The following NUCKS1 variants were observed in gnomAD, a reference collection of about 807,000 sequenced individuals.
NUCKS1 encodes nuclear ubiquitous casein and cyclin-dependent kinase substrate 1.
A neutral mutation model predicts 33.0 loss-of-function variants in NUCKS1; 2 were observed. The ratio of observed to expected loss-of-function variants is 0.06; its 90% CI spans 0.02 to 0.19. NUCKS1 has a LOEUF of 0.19. NUCKS1 is among the 10% of genes least tolerant of loss of function. NUCKS1 has a pLI of 1.00. For missense variants in NUCKS1, 201 were observed against 293.6 expected (o/e 0.68, Z 2.31); for synonymous variants, 106 against 102.8 (o/e 1.03, Z -0.19).
intron 4 of NUCKS1, among the ~76,000 whole-genome samples, chr1:205,722,073 AAAAAAAATTTT>A (rs2102431635): frequency 6.6e-6 from 1 of 151,890 alleles, no homozygotes; most frequent in South Asian, 2.1e-4. Context: ...CTATTAATGA[AAAAAAAATTTT>A]TTTTTTTTTA....
At chr1:205,744,628 G>T (rs777087207) in intron 1 of NUCKS1, among the ~76,000 whole-genome samples, 1,764 of 22,960 alleles carry the variant, frequency 0.077, 26 homozygotes, top group South Asian at 0.2. Context: ...AAGTTCACTA[G>T]AGTTTTTTTT....
intron 1 of NUCKS1, among the ~76,000 whole-genome samples, chr1:205,730,958 G>T (rs1653896650): frequency 1.3e-5 from 2 of 152,060 alleles, no homozygotes; most frequent in South Asian, 4.1e-4. Context: ...ACATATATAT[G>T]TATACTTGAT....
chr1:205,737,815 C>T (rs745381194), intron 1 of NUCKS1, among the ~76,000 whole-genome samples: 32 of 152,078 alleles, frequency 2.1e-4, no homozygotes, highest in Admixed American at 3.3e-4. Flanking sequence ...CTTATAGTAT[C>T]GTATTTTAAA....
intron 1 of NUCKS1, among the ~76,000 whole-genome samples, chr1:205,743,065 G>A (rs1654219849): frequency 1.4e-5 from 2 of 147,286 alleles, no homozygotes; most frequent in South Asian, 5.0e-4. Flanking sequence ...TAACCCATTT[G>A]GCCATGCAGA....
rs1384985661 is a variant in NUCKS1 at position 205,715,825 on chromosome 1, C to G, written c.*2455G>C. The G allele has an allele frequency of 6.6e-6, 1 of 152,152 alleles. No homozygotes were observed. The highest frequency in any genetic ancestry group is 1.5e-5 in the Non-Finnish European group (1 of 68,038). The allele number at this position is 152,152 out of a possible 1,614,324, so 9.4% of individuals were successfully genotyped here. A position where few individuals can be genotyped will look rare whatever the true frequency, so the allele number is the denominator to read the frequency against. On this transcript the variant is annotated 3_prime_UTR_variant, in exon 7 of 7. Transcript: ENST00000367142. ...GTCAAGGATGGTGCCAATGGCCAGT[C>G]AGTATCGGCTTACAGCTTGTAATGC... is the stretch of plus-strand genomic sequence containing the variant.
At position 205,715,909 on chromosome 1, in the gene NUCKS1, CACT is replaced by C. The variant is rs1406096302; in HGVS notation, c.*2368_*2370del. On this transcript the variant is annotated 3_prime_UTR_variant, in exon 7 of 7. Transcript: ENST00000367142. ...CACCTGTATCCAGTTGAGTCACCAC[CACT>C]GTCCTCCTATTTGCATGCATGATTT... 1 of 152,214 alleles carries C rather than the reference CACT, an allele frequency of 6.6e-6. No homozygotes were observed. The highest frequency in any genetic ancestry group is 1.5e-5 in the Non-Finnish European group (1 of 68,046). The allele number at this position is 152,214 out of a possible 1,614,324, so 9.4% of individuals were successfully genotyped here. A position where few individuals can be genotyped will look rare whatever the true frequency, so the allele number is the denominator to read the frequency against.
intron 1 of NUCKS1, among the ~76,000 whole-genome samples, chr1:205,743,893 G>A (rs955847584): frequency 1.3e-5 from 2 of 152,122 alleles, no homozygotes; most frequent in Non-Finnish European, 2.9e-5. Flanking sequence ...ATATTTTTAT[G>A]TAAAATGAGC....
At chr1:205,732,882 A>G (rs769275249) in intron 1 of NUCKS1, among the ~76,000 whole-genome samples, 3 of 152,056 alleles carry the variant, frequency 2.0e-5, no homozygotes, top group Non-Finnish European at 4.4e-5. Flanking sequence ...GAAAAAATCT[A>G]ATATTTTTGG....
chr1:205,725,621 A>G (rs1653746692), intron 3 of NUCKS1, among the ~76,000 whole-genome samples: 1 of 152,200 alleles, frequency 6.6e-6, no homozygotes, highest in African/African-American at 2.4e-5. Flanking sequence ...ATCTTTAAGT[A>G]CCACTACAGC....
rs1406837104 is a variant in NUCKS1 at position 205,714,383 on chromosome 1, TCAAA to T, written c.*3893_*3896del. 1 of 152,026 alleles carries T rather than the reference TCAAA, an allele frequency of 6.6e-6. No individual in the cohort carries two copies. The highest frequency in any genetic ancestry group is 1.5e-5 in the Non-Finnish European group (1 of 68,020). 9.4% of individuals were successfully genotyped at this position (152,026 alleles called of 1,614,324 possible). ...ATTCTACCAGCCACACAAAGCATGC[TCAAA>T]CAGATGTCACCAGTTCAGTCACTCC... On this transcript the variant is annotated 3_prime_UTR_variant, in exon 7 of 7. Transcript: ENST00000367142.
At chr1:205,725,234 G>A (rs1029348952) in intron 3 of NUCKS1, among the ~76,000 whole-genome samples, 1 of 152,068 alleles carries the variant, frequency 6.6e-6, no homozygotes, top group African/African-American at 2.4e-5. Context: ...CAAATCACTT[G>A]GTATTCTTCA....
chr1:205,750,112 C>T lies in NUCKS1; in HGVS notation c.-139G>A. 1 of 889,440 alleles carries T rather than the reference C, an allele frequency of 1.1e-6. No homozygotes were observed. Among genetic ancestry groups the T allele is most frequent in the East Asian group, 2.9e-5 (1 of 34,338 alleles). 55.1% of individuals were successfully genotyped at this position (889,440 alleles called of 1,614,324 possible). A position where few individuals can be genotyped will look rare whatever the true frequency, so the allele number is the denominator to read the frequency against. ...AACCCCGAGCTGCTGGCTTCTCAAA[C>T]TCCGCTGCTCTTTGGTTCAGGGCTC... On this transcript the variant is annotated 5_prime_UTR_variant, in exon 1 of 7. Coordinates refer to ENST00000367142, the MANE Select transcript of NUCKS1 (RefSeq NM_022731.5).
At position 205,750,075 on chromosome 1, in the gene NUCKS1, C is replaced by T; in HGVS notation, c.-102G>A. Reference sequence around the variant, plus strand: ...CCCCCCCGAACTTCAGCCGATGGGACCGCTGCTGCCGAACCCCGAGCTGCT... The same window carrying T: ...CCCCCCCGAACTTCAGCCGATGGGATCGCTGCTGCCGAACCCCGAGCTGCT... On this transcript the variant is annotated 5_prime_UTR_variant, in exon 1 of 7. Coordinates refer to ENST00000367142, the MANE Select transcript of NUCKS1 (RefSeq NM_022731.5). The T allele has an allele frequency of 9.3e-7, 1 of 1,075,156 alleles. No homozygotes were observed. Among genetic ancestry groups the T allele is most frequent in the Non-Finnish European group, 1.3e-6 (1 of 793,232 alleles). 66.6% of individuals were successfully genotyped at this position (1,075,156 alleles called of 1,614,324 possible).
chr1:205,732,718 T>C (rs898257485), intron 1 of NUCKS1, among the ~76,000 whole-genome samples: 2 of 134,396 alleles, frequency 1.5e-5, no homozygotes, highest in Admixed American at 1.8e-4. Flanking sequence ...GAGACAGAGG[T>C]TGCAGTGAGC....
rs747164939 is a variant in NUCKS1, at chr1:205,717,628, T to C, written c.*652A>G. 1.6e-5 allele frequency: 16 copies of C among 983,896 alleles called. No individual in the cohort carries two copies. Among genetic ancestry groups the C allele is most frequent in the Middle Eastern group, 5.2e-4 (1 of 1,934 alleles). 60.9% of individuals were successfully genotyped at this position (983,896 alleles called of 1,614,324 possible). A position where few individuals can be genotyped will look rare whatever the true frequency, so the allele number is the denominator to read the frequency against. On this transcript the variant is annotated 3_prime_UTR_variant, in exon 7 of 7. Coordinates refer to ENST00000367142, the MANE Select transcript of NUCKS1 (RefSeq NM_022731.5). Reference sequence around the variant, plus strand: ...CCTCAAATAAGGTCAGGTAACCCCATTGCCCACCCTCCCTACAAGGTAAAA... The same window carrying C: ...CCTCAAATAAGGTCAGGTAACCCCACTGCCCACCCTCCCTACAAGGTAAAA...
At chr1:205,727,902 G>C in intron 2 of NUCKS1, 97 bp from the exon 3 acceptor site, 3 of 811,986 alleles carry the variant, frequency 3.7e-6, no homozygotes, top group Non-Finnish European at 5.9e-6. Flanking sequence ...CTGTTTAAAT[G>C]GTGAGAGGAG....
intron 4 of NUCKS1, among the ~76,000 whole-genome samples, chr1:205,721,221 G>C (rs1199288318): frequency 6.6e-6 from 1 of 151,646 alleles, no homozygotes; most frequent in African/African-American, 2.4e-5. Flanking sequence ...AATCACCATG[G>C]CACACATTTA....
At chr1:205,719,735 A>G in intron 5 of NUCKS1, 59 bp from the exon 6 acceptor site, 2 of 1,560,640 alleles carry the variant, frequency 1.3e-6, no homozygotes, top group Non-Finnish European at 1.7e-6. Flanking sequence ...CCAAGTAAAA[A>G]AGGAAGAGAG....
At chr1:205,726,902 C>CA (rs1357392216) in intron 3 of NUCKS1, among the ~76,000 whole-genome samples, 1 of 152,106 alleles carries the variant, frequency 6.6e-6, no homozygotes, top group Non-Finnish European at 1.5e-5. Flanking sequence ...GTTCATGTTA[C>CA]ATCAAGTGTG....
Sources: gnomAD v4.1 joint callset for allele counts (sites outside exome capture counted in the v4.1 genomes callset) on GRCh38, gnomAD v4.1.1 for gene constraint, MANE v1.5 for transcripts, NCBI Gene and HGNC (gene_info 2026-07-23, HGNC 2026-07-21) for gene names.